Variants in CR2 observed in about 807,000 individuals in gnomAD.
CR2 encodes complement C3d receptor 2.
In CR2, 96 loss-of-function variants were observed where a neutral mutation model predicts 123.0. That is an observed-to-expected ratio of 0.78 (90% CI 0.66 to 0.93). The LOEUF (loss-of-function observed/expected upper bound fraction) is 0.93, where lower values mean the gene tolerates loss of function less well. CR2 is among the 40% of genes least tolerant of loss of function. The pLI, the probability that CR2 is intolerant of heterozygous loss-of-function variation, is 0.00. For missense variants in CR2, 1,258 were observed against 1,361.0 expected (o/e 0.92, Z 1.19); for synonymous variants, 484 against 469.5 (o/e 1.03, Z -0.40).
intron 18 of CR2, 56 bp from the exon 19 acceptor site, chr1:207,485,408 A>G (rs955934348): frequency 2.4e-5 from 27 of 1,135,874 alleles, no homozygotes; most frequent in Non-Finnish European, 3.3e-5. Flanking sequence ...CAACTGCTAC[A>G]TTGAAACATG....
chr1:207,467,604 T>A (rs1028345536), intron 2 of CR2, among the ~76,000 whole-genome samples: 4 of 152,152 alleles, frequency 2.6e-5, no homozygotes, highest in African/African-American at 9.7e-5. Flanking sequence ...AAGAACAATA[T>A]TGACAAATTT....
intron 1 of CR2, among the ~76,000 whole-genome samples, chr1:207,465,362 A>T (rs2102299707): frequency 6.6e-6 from 1 of 152,286 alleles, no homozygotes; most frequent in South Asian, 2.1e-4. Flanking sequence ...ATGCTTTTTT[A>T]AAAAAGCAGA....
At position 207,477,950 on chromosome 1, in the gene CR2, T is replaced by A; in HGVS notation, c.2968T>A (p.Tyr990Asn). ...GAAAGGGCTGGAACCAAGGAAAATG[T>A]ATCAGTATGGAGCTGTTGTAACTCT... ...IQKGLEPRKM[Y>N]QYGAVVTLEC... Residue 990 changes from tyrosine (Y) to asparagine (N), a missense_variant, in exon 16 of 20, where the codon TAT becomes AAT. Transcript: ENST00000367057. The A allele has an allele frequency of 6.2e-7, 1 of 1,614,082 alleles. No homozygotes were observed. Among genetic ancestry groups the A allele is most frequent in the Non-Finnish European group, 8.5e-7 (1 of 1,179,988 alleles).
rs1658560456 is a variant in CR2 at position 207,480,032 on chromosome 1, TG to T, written c.3168del (p.Ile1057TyrfsTer21). The T allele has an allele frequency of 1.2e-6, 2 of 1,612,612 alleles. No individual in the cohort carries two copies. The highest frequency in any genetic ancestry group is 1.7e-6 in the Non-Finnish European group (2 of 1,178,892). ...TTCTTGATTGTCATTACCTTATACG[TG>T]ATATCAAAACACAGAGCACGGTAAG... ...LTFLIVITLY[V>X]ISKHRARNYY... On this transcript the variant is annotated frameshift_variant, in exon 18 of 20. Coordinates refer to ENST00000367057, the MANE Select transcript of CR2 (RefSeq NM_001006658.3). LOFTEE classifies it high-confidence loss of function.
chr1:207,475,336 G>C, intron 14 of CR2, 120 bp downstream of exon 14: 1 of 1,095,520 alleles, frequency 9.1e-7, no homozygotes, highest in East Asian at 2.5e-5. Context: ...CAGTTATATT[G>C]TTTTACAAGA....
At chr1:207,470,185 C>T in intron 6 of CR2, 83 bp downstream of exon 6, 2 of 1,517,914 alleles carry the variant, frequency 1.3e-6, no homozygotes, top group South Asian at 1.1e-5. Context: ...TTAGGTAGGG[C>T]CTTGTCCAGT....
intron 1 of CR2, among the ~76,000 whole-genome samples, chr1:207,461,817 A>G (rs571171493): frequency 6.6e-6 from 1 of 152,262 alleles, no homozygotes; most frequent in African/African-American, 2.4e-5. Context: ...TAATAGAGGC[A>G]TATTTGGGTC....
rs764424579 is a variant in CR2 at position 207,470,080 on chromosome 1, A to G, written c.1203A>G (p.Pro401=). The change falls in exon 6 of 20, where the codon CCA becomes CCG. Residue 401 remains proline (P), a synonymous_variant. Transcript: ENST00000367057. ...IRCNAQGTWE[P]SAPVCEKECQ... is the part of the protein sequence containing the mutation. ...GCAATGCCCAAGGCACATGGGAGCCATCTGCACCAGTCTGTGAAAAGGGTG... is the reference window on the plus strand; with the variant it reads ...GCAATGCCCAAGGCACATGGGAGCCGTCTGCACCAGTCTGTGAAAAGGGTG... The G allele has an allele frequency of 1.9e-6, 3 of 1,613,820 alleles. No homozygotes were observed. Among genetic ancestry groups the G allele is most frequent in the Non-Finnish European group, 2.5e-6 (3 of 1,179,872 alleles).
chr1:207,482,969 A>G (rs1432622241), intron 18 of CR2, among the ~76,000 whole-genome samples: 2 of 152,160 alleles, frequency 1.3e-5, no homozygotes, highest in Admixed American at 1.3e-4. Context: ...AGAAAAAAAA[A>G]AAAAACCCTG....
At chr1:207,477,741 T>C in intron 15 of CR2, 144 bp from the exon 16 acceptor site, 1 of 704,842 alleles carries the variant, frequency 1.4e-6, no homozygotes, top group South Asian at 1.6e-5. Flanking sequence ...GTCTAGGATA[T>C]AGTCTTATCC....
At chr1:207,487,295 G>T (rs1433469484) in intron 19 of CR2, among the ~76,000 whole-genome samples, 2 of 152,144 alleles carry the variant, frequency 1.3e-5, no homozygotes, top group African/African-American at 4.8e-5. Flanking sequence ...TTTTTTTGCT[G>T]TTGTTGTTTG....
intron 16 of CR2, 92 bp from the exon 17 acceptor site, chr1:207,479,165 T>G: frequency 1.0e-6 from 1 of 1,004,732 alleles, no homozygotes; most frequent in Non-Finnish European, 1.6e-6. Context: ...AGCTAGAGTG[T>G]TGATTTCTGG....
In CR2 at chr1:207,454,596, C is replaced by T. The variant is rs987423024; in HGVS notation, c.58+120C>T. 1 of 755,204 alleles carries T rather than the reference C, an allele frequency of 1.3e-6. No individual in the cohort carries two copies. Among genetic ancestry groups the T allele is most frequent in the Non-Finnish European group, 2.1e-6 (1 of 481,744 alleles). 46.8% of individuals were successfully genotyped at this position (755,204 alleles called of 1,614,324 possible). ...GTGGGGGCAGTGCTCGACGCGTGTC[C>T]GCCTCCCGCTAGCTTTGAGGGACCA... On this transcript the variant is annotated intron_variant, in intron 1 of 19. Coordinates refer to ENST00000367057, the MANE Select transcript of CR2 (RefSeq NM_001006658.3). The surrounding 1 kb of genome is among the most constrained non-coding windows in gnomAD (Gnocchi z 4.3).
chr1:207,454,466 G>T lies in CR2; in HGVS notation c.48G>T (p.Pro16=). The change falls in exon 1 of 20, where the codon CCG becomes CCT. Residue 16 remains proline, a synonymous_variant. Coordinates refer to ENST00000367057, the MANE Select transcript of CR2 (RefSeq NM_001006658.3). This position sits in a 1 kb window ranked among gnomAD's most constrained non-coding sequence, Gnocchi z 4.3. ...LLGVFLALVA[P]GVLGISCGSP... is the part of the protein sequence containing the mutation. ...GGGTTTTCTTGGCTCTCGTCGCACC[G>T]GGGGTCCTCGGTGAGCTGGGAGGGG... The T allele has an allele frequency of 6.4e-7, 1 of 1,571,132 alleles. No individual in the cohort carries two copies. Among genetic ancestry groups the T allele is most frequent in the Admixed American group, 1.7e-5 (1 of 57,612 alleles).
chr1:207,479,206 A>C, intron 16 of CR2, 51 bp from the exon 17 acceptor site: 5 of 1,409,278 alleles, frequency 3.5e-6, no homozygotes, highest in Non-Finnish European at 5.0e-6. Flanking sequence ...GGCTACATTG[A>C]ATTATGACAC....
chr1:207,479,197 G>A, intron 16 of CR2, 60 bp from the exon 17 acceptor site: 1 of 1,286,068 alleles, frequency 7.8e-7, no homozygotes, highest in Non-Finnish European at 1.1e-6. Flanking sequence ...GAAACGTGGG[G>A]CTACATTGAA....
At chr1:207,464,319 A>C (rs1180017904) in intron 1 of CR2, among the ~76,000 whole-genome samples, 2 of 152,198 alleles carry the variant, frequency 1.3e-5, no homozygotes. Flanking sequence ...TTTGGATTGC[A>C]AGAATGAAGA....
At chr1:207,465,408 CAT>C (rs34956511) in intron 1 of CR2, among the ~76,000 whole-genome samples, 101,957 of 149,872 alleles carry the variant, frequency 0.68, 34,924 homozygotes, top group East Asian at 0.89. Flanking sequence ...TTTTTTCATA[CAT>C]ATATATATAT....
chr1:207,468,454 G>C, intron 2 of CR2, 73 bp from the exon 3 acceptor site: 1 of 1,503,404 alleles, frequency 6.7e-7, no homozygotes, highest in African/African-American at 1.4e-5. Flanking sequence ...CCAAAAGATT[G>C]GACCCCCTTG....
Sources: allele counts gnomAD v4.1 joint callset (sites outside exome capture counted in the v4.1 genomes callset), GRCh38; gene constraint gnomAD v4.1.1; non-coding constraint Gnocchi (gnomAD v3.1); transcripts MANE v1.5; gene names NCBI Gene and HGNC (gene_info 2026-07-23, HGNC 2026-07-21).